Variants in NBAS observed in about 807,000 individuals in gnomAD.
The protein encoded by NBAS is NBAS subunit of NRZ tethering complex.
A neutral mutation model predicts 302.5 loss-of-function variants in NBAS; 219 were observed. That is an observed-to-expected ratio of 0.72 (90% CI 0.65 to 0.81). NBAS has a LOEUF of 0.81. NBAS is among the 30% of genes least tolerant of loss of function. NBAS has a pLI of 0.00. For synonymous variants in NBAS, 1,118 were observed against 1,021.6 expected (o/e 1.09, Z -1.80); for missense variants, 2,932 against 2,841.6 (o/e 1.03, Z -0.72).
chr2:15,037,597 T>C, the NBAS span, among the ~76,000 whole-genome samples: 2 of 152,222 alleles, frequency 1.3e-5, no homozygotes, highest in Non-Finnish European at 2.9e-5. Context: ...ATTAAATTAA[T>C]AATTATTTGG....
intron 35 of NBAS, among the ~76,000 whole-genome samples, chr2:15,348,001 T>C (rs933213267): frequency 2.6e-5 from 4 of 152,232 alleles, no homozygotes; most frequent in African/African-American, 9.6e-5. Context: ...AGTGAAGTAA[T>C]GAAAGTCTTA....
chr2:15,034,111 A>G, the NBAS span, among the ~76,000 whole-genome samples: 2 of 147,246 alleles, frequency 1.4e-5, no homozygotes, highest in Non-Finnish European at 3.0e-5. Flanking sequence ...GAAGGAGAAG[A>G]AGGAGAAGGA....
chr2:15,517,273 T>C (rs1049127460), intron 9 of NBAS, among the ~76,000 whole-genome samples: 3 of 152,222 alleles, frequency 2.0e-5, no homozygotes, highest in African/African-American at 7.2e-5. Context: ...ACTCGATAGG[T>C]AGTTTTTTGA....
chr2:14,798,798 G>C, the NBAS span, among the ~76,000 whole-genome samples: 1 of 151,936 alleles, frequency 6.6e-6, no homozygotes, highest in Non-Finnish European at 1.5e-5. Context: ...GAATGAGATG[G>C]TAATTTGTGT....
At chr2:15,390,017 T>G (rs4668449) in intron 28 of NBAS, among the ~76,000 whole-genome samples, 2 of 151,964 alleles carry the variant, frequency 1.3e-5, no homozygotes, top group African/African-American at 2.4e-5. Context: ...AGGGAAGACA[T>G]AGCAGAACTG....
At chr2:14,806,206 G>C in the NBAS span, among the ~76,000 whole-genome samples, 1 of 152,142 alleles carries the variant, frequency 6.6e-6, no homozygotes, top group Non-Finnish European at 1.5e-5. Context: ...TGGCACTGCT[G>C]GTCCAGGGAC....
intron 27 of NBAS, among the ~76,000 whole-genome samples, chr2:15,395,499 G>A (rs562045137): frequency 6.6e-6 from 1 of 152,158 alleles, no homozygotes; most frequent in Non-Finnish European, 1.5e-5. Context: ...CAGGAATCAA[G>A]CTAGGTAATA....
chr2:15,454,908 A>G (rs1395375888), intron 21 of NBAS, among the ~76,000 whole-genome samples: 1 of 123,468 alleles, frequency 8.1e-6, no homozygotes, highest in Non-Finnish European at 1.7e-5. Context: ...ACTATACTGC[A>G]ATTTTTTTTT....
chr2:15,112,504 T>C, the NBAS span, among the ~76,000 whole-genome samples: 1 of 152,120 alleles, frequency 6.6e-6, no homozygotes, highest in Non-Finnish European at 1.5e-5. Context: ...AAAATTGCAA[T>C]TCAAGATGTG....
chr2:14,926,537 G>A, the NBAS span, among the ~76,000 whole-genome samples: 2 of 152,188 alleles, frequency 1.3e-5, no homozygotes, highest in African/African-American at 4.8e-5. Context: ...GTATGAAATA[G>A]AGGATCAATA....
chr2:15,091,902 A>C, the NBAS span, among the ~76,000 whole-genome samples: 3 of 152,374 alleles, frequency 2.0e-5, no homozygotes, highest in Admixed American at 2.0e-4. Context: ...GGTATATAAT[A>C]CATGTAACAT....
At chr2:15,469,205 G>A (rs1289276421) in intron 16 of NBAS, among the ~76,000 whole-genome samples, 1 of 152,148 alleles carries the variant, frequency 6.6e-6, no homozygotes, top group Non-Finnish European at 1.5e-5. Flanking sequence ...ATCTCCTTCA[G>A]TTCTGCTCTG....
the NBAS span, among the ~76,000 whole-genome samples, chr2:15,098,378 A>C: frequency 3.1e-5 from 1 of 32,564 alleles, no homozygotes; most frequent in Non-Finnish European, 4.9e-5. Context: ...AATATATTAT[A>C]TATGATATAT....
chr2:15,338,710 C>CACACACACACACAT (rs1454097551), intron 35 of NBAS, among the ~76,000 whole-genome samples: 299 of 148,822 alleles, frequency 2.0e-3, no homozygotes, highest in Middle Eastern at 3.4e-3. Context: ...CACACACACA[C>CACACACACACACAT]ATCAAATTAG....
At chr2:14,845,272 A>G in the NBAS span, among the ~76,000 whole-genome samples, 37 of 152,352 alleles carry the variant, frequency 2.4e-4, no homozygotes, top group African/African-American at 8.7e-4. Context: ...CTGGTAATCA[A>G]AAGAATTCTT....
chr2:14,841,724 C>T, the NBAS span, among the ~76,000 whole-genome samples: 1 of 151,866 alleles, frequency 6.6e-6, no homozygotes, highest in Non-Finnish European at 1.5e-5. Flanking sequence ...GAGGGATAGA[C>T]TGCAATACAA....
At chr2:15,552,756 A>G (rs1165674584) in intron 5 of NBAS, among the ~76,000 whole-genome samples, 2 of 151,686 alleles carry the variant, frequency 1.3e-5, no homozygotes, top group African/African-American at 4.8e-5. Flanking sequence ...CTCATATTCC[A>G]TCTACAGTTT....
At chr2:15,471,609 T>G (rs1049859319) in intron 16 of NBAS, among the ~76,000 whole-genome samples, 3 of 152,166 alleles carry the variant, frequency 2.0e-5, no homozygotes, top group Non-Finnish European at 4.4e-5. Flanking sequence ...GGTTAAAACA[T>G]ATAGGCTTGC....
rs148116737 is a variant in NBAS, at chr2:15,512,624, A to G, written c.747-1274T>C. On this transcript the variant is annotated intron_variant, in intron 9 of 51. Transcript: ENST00000281513. ...GTAGAAAGGGGCAGCAGAAGAGTCA[A>G]TGTCAGAGTAATGTAATGTGACACT... Among the ~76,000 whole-genome samples, 930 of 152,280 alleles carry G rather than the reference A, an allele frequency of 6.1e-3. 8 individuals are homozygous for G. The highest frequency in any genetic ancestry group is 0.022 in the African/African-American group (895 of 41,546).
Sources: allele counts gnomAD v4.1 joint callset (sites outside exome capture counted in the v4.1 genomes callset), GRCh38; gene constraint gnomAD v4.1.1; transcripts MANE v1.5; gene names NCBI Gene and HGNC (gene_info 2026-07-23, HGNC 2026-07-21).